SYNE2: variants seen among roughly 807,000 people sequenced by gnomAD.
SYNE2 encodes nesprin-2.
SYNE2 carries 431 observed loss-of-function variants against 856.3 expected under a neutral mutation model. The observed-to-expected ratio is 0.50, with a 90% confidence interval of 0.47 to 0.55. The LOEUF (loss-of-function observed/expected upper bound fraction) is 0.55. SYNE2 is among the 20% of genes least tolerant of loss of function. The pLI is 0.00. For synonymous variants in SYNE2, 2,923 were observed against 2,872.3 expected (o/e 1.02, Z -0.56); for missense variants, 8,129 against 8,023.2 (o/e 1.01, Z -0.50).
chr14:63,974,886 G>GTATCTATATATATATATA (rs1315971121), intron 11 of SYNE2, among the ~76,000 whole-genome samples: 1 of 26,302 alleles, frequency 3.8e-5, no homozygotes, highest in Non-Finnish European at 7.7e-5. Flanking sequence ...GTGTGTGTGT[G>GTATCTATATATATATATA]TGTGTGTATA....
At chr14:64,189,776 G>A (rs1387712525) in intron 98 of SYNE2, among the ~76,000 whole-genome samples, 1 of 151,984 alleles carries the variant, frequency 6.6e-6, no homozygotes, top group Non-Finnish European at 1.5e-5. Flanking sequence ...GGCTCAAGGG[G>A]TCCTCCCACC....
intron 1 of SYNE2, among the ~76,000 whole-genome samples, chr14:63,771,659 G>A (rs1024829515): frequency 1.3e-5 from 2 of 152,124 alleles, no homozygotes; most frequent in African/African-American, 2.4e-5. Flanking sequence ...AGTATTTTGG[G>A]AGGCTGAGGT....
At chr14:64,141,896 T>C in intron 81 of SYNE2, 46 bp from the exon 82 acceptor site, 2 of 1,608,930 alleles carry the variant, frequency 1.2e-6, no homozygotes, top group Non-Finnish European at 1.7e-6. Flanking sequence ...TCTGATTCAT[T>C]TTGTTAACTG....
rs1048234635 is a variant in SYNE2, at chr14:63,916,655, G to T, written c.79+7428G>T. On this transcript the variant is annotated intron_variant, in intron 2 of 115. Coordinates refer to ENST00000555002, the MANE Select transcript of SYNE2 (RefSeq NM_182914.3). Reference sequence around the variant, plus strand: ...GGAAACATGATTTCTTTAGGCTTCAGGCAGTGAAGTGTGTCTATGATGTTT... The same window carrying T: ...GGAAACATGATTTCTTTAGGCTTCATGCAGTGAAGTGTGTCTATGATGTTT... Among the ~76,000 whole-genome samples, 3 of 152,198 alleles carry T rather than the reference G, an allele frequency of 2.0e-5. No homozygotes were observed. The East Asian group carries it at 5.8e-4, about 29-fold the overall frequency.
At chr14:64,172,680 C>T (rs1431503018) in intron 94 of SYNE2, among the ~76,000 whole-genome samples, 1 of 152,026 alleles carries the variant, frequency 6.6e-6, no homozygotes, top group African/African-American at 2.4e-5. Context: ...GGCTGAAATC[C>T]CAACACTTTG....
rs573267155 is a variant in SYNE2, at chr14:64,225,233, T to G, written c.20517-86T>G. On this transcript the variant is annotated intron_variant, in intron 115 of 115. Coordinates refer to ENST00000555002, the MANE Select transcript of SYNE2 (RefSeq NM_182914.3). ...ATTTAAATCTCAGGTCTTGGATTTC[T>G]TACTTACATAAGCAGGGGCTTAGGT... The G allele has an allele frequency of 6.8e-6, 11 of 1,606,762 alleles. No homozygotes were observed. In the African/African-American group the frequency reaches 1.3e-4, roughly 20 times the overall value.
At chr14:63,853,256 G>T (rs1366139311) in intron 1 of SYNE2, 113 bp downstream of exon 1, 1 of 152,128 alleles carries the variant, frequency 6.6e-6, no homozygotes, top group Non-Finnish European at 1.5e-5. Context: ...GGGGGCGGGG[G>T]CGGCGGGAGA....
chr14:63,803,096 C>T (rs530880979), intron 1 of SYNE2, among the ~76,000 whole-genome samples: 34 of 152,234 alleles, frequency 2.2e-4, no homozygotes, highest in African/African-American at 5.5e-4. Flanking sequence ...TTGGTAGAGC[C>T]GAGTGGCCTG....
At chr14:64,057,876 C>T (rs1359580200) in intron 49 of SYNE2, among the ~76,000 whole-genome samples, 1 of 152,192 alleles carries the variant, frequency 6.6e-6, no homozygotes, top group Non-Finnish European at 1.5e-5. Flanking sequence ...GTCAGTGATG[C>T]TGAACACCTC....
Position 63,785,196 on chromosome 14 carries a change from C to T in SYNE2, c.-305+23210C>T, listed in dbSNP as rs369258138. On this transcript the variant is annotated intron_variant, in intron 1 of 23. Coordinates refer to the SYNE2 transcript ENST00000674003. ...ACACTTCAGGCCAGGCACGGTGGCTCACACCTGTAATCCCAGCACTTGGGA... is the reference window on the plus strand; with the variant it reads ...ACACTTCAGGCCAGGCACGGTGGCTTACACCTGTAATCCCAGCACTTGGGA... 2.6e-4 allele frequency among the ~76,000 whole-genome samples: 39 copies of T among 152,190 alleles called. 1 individual carries two copies. The highest frequency in any genetic ancestry group is 9.1e-4 in the African/African-American group (38 of 41,536).
At chr14:63,989,684 CTT>C (rs2096652434) in intron 19 of SYNE2, among the ~76,000 whole-genome samples, 1 of 151,230 alleles carries the variant, frequency 6.6e-6, no homozygotes, top group Non-Finnish European at 1.5e-5. Context: ...GAGTTTCACT[CTT>C]GTCACCCAGG....
At chr14:63,959,177 C>T (rs930160173) in intron 8 of SYNE2, among the ~76,000 whole-genome samples, 1 of 149,270 alleles carries the variant, frequency 6.7e-6, no homozygotes, top group Non-Finnish European at 1.5e-5. Flanking sequence ...CCTCTTTGGA[C>T]TTCAGGTTTT....
chr14:64,101,241 G>A (rs1452720527), intron 63 of SYNE2, among the ~76,000 whole-genome samples: 1 of 151,962 alleles, frequency 6.6e-6, no homozygotes, highest in South Asian at 2.1e-4. Flanking sequence ...CATTCCCACC[G>A]ACAGTATTCA....
Position 63,959,896 on chromosome 14 carries a change from G to A in SYNE2, c.788-1629G>A, listed in dbSNP as rs936908048. 7.9e-5 allele frequency among the ~76,000 whole-genome samples: 12 copies of A among 152,164 alleles called. No individual in the cohort carries two copies. In the South Asian group the frequency reaches 2.5e-3, roughly 32 times the overall value. ...ATGTACAAATAACCAGGCAACTAAT[G>A]AAATAGACACTATAGTAAAAACAAA... On this transcript the variant is annotated intron_variant, in intron 8 of 115. Coordinates refer to ENST00000555002, the MANE Select transcript of SYNE2 (RefSeq NM_182914.3).
rs773533722 is a variant in SYNE2, at chr14:64,053,605, G to A, written c.9692G>A (p.Arg3231His). 2.9e-5 allele frequency: 46 copies of A among 1,613,128 alleles called. No homozygotes were observed. The Middle Eastern group carries it at 6.6e-4, about 23-fold the overall frequency. ...GCGAGTGATGTGGAGACAAAACTAC[G>A]TGAGTTTGAAGATCTTCAGATGCAG... ...SEASDVETKL[R>H]EFEDLQMQLN... The change falls in exon 48 of 116, where the codon CGT becomes CAT. Residue 3231 changes from arginine to histidine, a missense_variant. Physicochemically the swap from Arg to His is conservative, Grantham distance 29 (BLOSUM62 0). Transcript: ENST00000555002.
At chr14:64,178,987 G>C (rs1305456362) in intron 96 of SYNE2, among the ~76,000 whole-genome samples, 1 of 152,010 alleles carries the variant, frequency 6.6e-6, no homozygotes, top group Non-Finnish European at 1.5e-5. Context: ...TGAGGTGGGA[G>C]GATCCTTTGA....
chr14:63,829,711 G>C (rs1889595553), intron 1 of SYNE2, among the ~76,000 whole-genome samples: 1 of 152,050 alleles, frequency 6.6e-6, no homozygotes, highest in Admixed American at 6.6e-5. Flanking sequence ...AACCCTCCTG[G>C]GATGAAGCTA....
intron 49 of SYNE2, among the ~76,000 whole-genome samples, chr14:64,062,512 A>G (rs1052346525): frequency 2.0e-5 from 3 of 152,170 alleles, no homozygotes; most frequent in African/African-American, 4.8e-5. Flanking sequence ...AAAAAAAAAA[A>G]TCTTCATTTT....
intron 8 of SYNE2, among the ~76,000 whole-genome samples, chr14:63,957,190 T>C (rs1015889908): frequency 6.6e-6 from 1 of 151,178 alleles, no homozygotes; most frequent in Non-Finnish European, 1.5e-5. Context: ...CTCCACCTCC[T>C]GGGTTAAAGC....
Sources: gnomAD v4.1 joint callset for allele counts (sites outside exome capture counted in the v4.1 genomes callset) on GRCh38, gnomAD v4.1.1 for gene constraint, MANE v1.5 for transcripts, NCBI Gene and HGNC (gene_info 2026-07-23, HGNC 2026-07-21) for gene names.